The following TLR4 variants were observed in gnomAD, a reference collection of about 807,000 sequenced individuals.
TLR4 encodes the protein toll-like receptor 4.
In TLR4, 17 loss-of-function variants were observed where a neutral mutation model predicts 27.4. The observed-to-expected ratio is 0.62, with a 90% CI of 0.42 to 0.93. TLR4 has a LOEUF of 0.93. Ranked by LOEUF, TLR4 falls within the 40% of genes least tolerant of loss-of-function variation. The pLI is 0.00. For missense variants in TLR4, 926 were observed against 962.3 expected, an observed-to-expected ratio of 0.96 and a Z score of 0.50; for synonymous variants, 363 against 365.7, an observed-to-expected ratio of 0.99 and a Z score of 0.08.
Position 117,716,170 on chromosome 9 carries a change from T to G in TLR4, c.*1522T>G, listed in dbSNP as rs957762597. On this transcript the variant is annotated 3_prime_UTR_variant, in exon 3 of 3. Coordinates refer to ENST00000355622, the MANE Select transcript of TLR4 (RefSeq NM_138554.5). The stretch of plus-strand genomic sequence containing the variant: ...ACGGAGGTTTCTCAAAAATTAAAAA[T>G]AGAACTGCTATATGATCCAGCAATC... 2 of 152,154 alleles carry G rather than the reference T, an allele frequency of 1.3e-5. No individual in the cohort carries two copies. The highest frequency in any genetic ancestry group is 4.8e-5 in the African/African-American group (2 of 41,434). 9.4% of individuals were successfully genotyped at this position (152,154 alleles called of 1,614,324 possible). A position where few individuals can be genotyped will look rare whatever the true frequency, so the allele number is the denominator to read the frequency against.
At chr9:117,706,045 T>C (rs1829130479) in intron 1 of TLR4, among the ~76,000 whole-genome samples, 2 of 152,198 alleles carry the variant, frequency 1.3e-5, no homozygotes, top group African/African-American at 4.8e-5. Context: ...AATTTTAATA[T>C]ATATTTACCT....
chr9:117,713,198 C>T lies in TLR4; in HGVS notation c.1070C>T (p.Thr357Ile). ...TLKLKSLKRLTFTSNKGGNAF... is the reference protein window; with the variant it reads ...TLKLKSLKRLIFTSNKGGNAF... Reference sequence around the variant, plus strand: ...AAACTCAAATCTCTCAAAAGGCTTACTTTCACTTCCAACAAAGGTGGGAAT... The same window carrying T: ...AAACTCAAATCTCTCAAAAGGCTTATTTTCACTTCCAACAAAGGTGGGAAT... Residue 357 changes from threonine (T) to isoleucine (I), a missense_variant, in exon 3 of 3, where the codon ACT (threonine) becomes ATT (isoleucine). Physicochemically the swap from Thr to Ile is moderately conservative, Grantham distance 89. Transcript: ENST00000355622. 2 of 1,614,018 alleles carry T rather than the reference C, an allele frequency of 1.2e-6. No individual in the cohort carries two copies. Among genetic ancestry groups the T allele is most frequent in the Non-Finnish European group, 1.7e-6 (2 of 1,179,962 alleles).
rs1829419183 is a variant in TLR4, at chr9:117,721,194, A to G, written c.*6546A>G. 1 of 152,204 alleles carries G rather than the reference A, an allele frequency of 6.6e-6. No individual in the cohort carries two copies. Among genetic ancestry groups the G allele is most frequent in the Non-Finnish European group, 1.5e-5 (1 of 68,034 alleles). The allele number at this position is 152,204 out of a possible 1,614,324, so 9.4% of individuals were successfully genotyped here. ...AGCGTAACCATCAACTGAACAGTGT[A>G]CTTTGTACCTATTAGGTACTTTCTC... On this transcript the variant is annotated 3_prime_UTR_variant, in exon 3 of 3. Coordinates refer to ENST00000355622, the MANE Select transcript of TLR4 (RefSeq NM_138554.5).
chr9:117,708,685 T>G lies in TLR4; in HGVS notation c.216T>G (p.Tyr72Ter). ...ATCCCCTGAGGCATTTAGGCAGCTA[T>G]AGCTTCTTCAGTTTCCCAGAACTGC... ...SFNPLRHLGS[Y>*]SFFSFPELQV... is the part of the protein sequence containing the mutation. The change falls in exon 2 of 3, where the codon TAT becomes TAG. Residue 72 changes from tyrosine to a stop codon, truncating the protein, a stop_gained. Coordinates refer to ENST00000355622, the MANE Select transcript of TLR4 (RefSeq NM_138554.5). LOFTEE classifies it low-confidence loss of function (END_TRUNC). 6.2e-7 allele frequency: 1 copy of G among 1,613,966 alleles called. No homozygotes were observed. Among genetic ancestry groups the G allele is most frequent in the South Asian group, 1.1e-5 (1 of 91,080 alleles).
chr9:117,708,709 G>T lies in TLR4; in HGVS notation c.240G>T (p.Leu80=), dbSNP rs747522878. The change falls in exon 2 of 3, where the codon CTG becomes CTT. Residue 80 remains leucine, a synonymous_variant. Transcript: ENST00000355622. ...GSYSFFSFPE[L]QVLDLSRCEI... is the part of the protein sequence containing the mutation. The stretch of plus-strand genomic sequence containing the variant: ...ATAGCTTCTTCAGTTTCCCAGAACT[G>T]CAGGTGCTGGATTTATCCAGGTAAT... 18 of 1,613,840 alleles carry T rather than the reference G, an allele frequency of 1.1e-5. No homozygotes were observed. Among genetic ancestry groups the T allele is most frequent in the Non-Finnish European group, 1.5e-5 (18 of 1,179,772 alleles).
At position 117,719,246 on chromosome 9, in the gene TLR4, A is replaced by ACTT. The variant is rs71804554; in HGVS notation, c.*4598_*4599insCTT. Reference sequence around the variant, plus strand: ...GCAAGGGCTTTATTTGTGCTATCTCAGTTTGTCACATCAATGAATTAGAAA... The same window carrying ACTT: ...GCAAGGGCTTTATTTGTGCTATCTCACTTGTTTGTCACATCAATGAATTAGAAA... On this transcript the variant is annotated 3_prime_UTR_variant, in exon 3 of 3. Coordinates refer to ENST00000355622, the MANE Select transcript of TLR4 (RefSeq NM_138554.5). 9.3e-6 allele frequency: 1 copy of ACTT among 107,110 alleles called. No individual in the cohort carries two copies. Among genetic ancestry groups the ACTT allele is most frequent in the Admixed American group, 8.7e-5 (1 of 11,534 alleles). The allele number at this position is 107,110 out of a possible 1,614,324, so 6.6% of individuals were successfully genotyped here.
chr9:117,713,579 A>G lies in TLR4; in HGVS notation c.1451A>G (p.Gln484Arg), dbSNP rs1829282684. 1 of 1,613,962 alleles carries G rather than the reference A, an allele frequency of 6.2e-7. No homozygotes were observed. The highest frequency in any genetic ancestry group is 8.5e-7 in the Non-Finnish European group (1 of 1,180,020). The change falls in exon 3 of 3, where the codon CAG becomes CGG. Residue 484 changes from glutamine (Q) to arginine (R), a missense_variant. Physicochemically the swap from Gln to Arg is conservative, Grantham distance 43. Coordinates refer to ENST00000355622, the MANE Select transcript of TLR4 (RefSeq NM_138554.5). ...TTGAAAATGGCTGGCAATTCTTTCC[A>G]GGAAAACTTCCTTCCAGATATCTTC... The part of the protein sequence containing the change: ...EVLKMAGNSF[Q>R]ENFLPDIFTE...
Position 117,714,800 on chromosome 9 carries a change from AAG to A in TLR4, c.*153_*154del, listed in dbSNP as rs1829314970. On this transcript the variant is annotated 3_prime_UTR_variant, in exon 3 of 3. Coordinates refer to ENST00000355622, the MANE Select transcript of TLR4 (RefSeq NM_138554.5). ...CTAGATATGCAGGGCTGCTAATCTCAAGGAGCTTCCAGTGCAGAGGGAATAAA... is the reference window on the plus strand; with the variant it reads ...CTAGATATGCAGGGCTGCTAATCTCAGAGCTTCCAGTGCAGAGGGAATAAA... The A allele has an allele frequency of 2.1e-5, 15 of 728,406 alleles. No homozygotes were observed. The highest frequency in any genetic ancestry group is 7.4e-4 in the Middle Eastern group (2 of 2,720). The allele number at this position is 728,406 out of a possible 1,614,324, so 45.1% of individuals were successfully genotyped here.
In TLR4 at chr9:117,719,774, A is replaced by C. The variant is rs981259401; in HGVS notation, c.*5126A>C. ...GGACTTTCCAGATGGTTGGAATAAG[A>C]TCACACACTCTGGCTGCCCTTATGG... On this transcript the variant is annotated 3_prime_UTR_variant, in exon 3 of 3. Coordinates refer to ENST00000355622, the MANE Select transcript of TLR4 (RefSeq NM_138554.5). The C allele has an allele frequency of 1.3e-5, 2 of 152,184 alleles. No homozygotes were observed. Among genetic ancestry groups the C allele is most frequent in the Admixed American group, 1.3e-4 (2 of 15,272 alleles). 9.4% of individuals were successfully genotyped at this position (152,184 alleles called of 1,614,324 possible).
intron 2 of TLR4, among the ~76,000 whole-genome samples, chr9:117,709,933 A>G (rs11536879): frequency 0.037 from 5,690 of 152,126 alleles, 183 homozygotes; most frequent in East Asian, 0.13. Flanking sequence ...CTTAGTTTTC[A>G]TATCTGATCA....
Position 117,714,603 on chromosome 9 carries a change from A to G in TLR4, c.2475A>G (p.Gly825=). 1.9e-6 allele frequency: 3 copies of G among 1,613,608 alleles called. No homozygotes were observed. Among genetic ancestry groups the G allele is most frequent in the Admixed American group, 3.3e-5 (2 of 60,020 alleles). ...LLDGKSWNPE[G]TVGTGCNWQE... ...ATGGTAAATCATGGAATCCAGAAGG[A>G]ACAGTGGGTACAGGATGCAATTGGC... is the stretch of plus-strand genomic sequence containing the variant. The change falls in exon 3 of 3, where the codon GGA becomes GGG. Residue 825 remains glycine, a synonymous_variant. Coordinates refer to ENST00000355622, the MANE Select transcript of TLR4 (RefSeq NM_138554.5).
At chr9:117,712,138 C>T (rs1292167622) in intron 2 of TLR4, among the ~76,000 whole-genome samples, 1 of 152,030 alleles carries the variant, frequency 6.6e-6, no homozygotes, top group East Asian at 1.9e-4. Context: ...TGGATTTTCT[C>T]CTCTGCTTAT....
Position 117,712,459 on chromosome 9 carries a change from G to A in TLR4, c.331G>A (p.Gly111Arg). The change falls in exon 3 of 3, where the codon GGA (glycine) becomes AGA (arginine). Residue 111 changes from glycine (G) to arginine (R), a missense_variant. Gly to Arg is a moderately radical substitution (Grantham distance 125). Transcript: ENST00000355622. ...CCACCTCTCTACCTTAATATTGACA[G>A]GAAACCCCATCCAGAGTTTAGCCCT... The part of the protein sequence containing the change: ...LSHLSTLILT[G>R]NPIQSLALGA... 1 of 1,613,824 alleles carries A rather than the reference G, an allele frequency of 6.2e-7. No homozygotes were observed. The highest frequency in any genetic ancestry group is 8.5e-7 in the Non-Finnish European group (1 of 1,179,900).
chr9:117,708,346 C>T, intron 1 of TLR4: 1 of 1,369,494 alleles, frequency 7.3e-7, no homozygotes, highest in Non-Finnish European at 9.5e-7. Flanking sequence ...GTAGTAGGTG[C>T]TCTTTACTTT....
At chr9:117,709,554 A>T (rs534794694) in intron 2 of TLR4, among the ~76,000 whole-genome samples, 6 of 152,278 alleles carry the variant, frequency 3.9e-5, no homozygotes, top group African/African-American at 1.4e-4. Flanking sequence ...GGGGAACCAA[A>T]TTCTAAAAGG....
In TLR4 at chr9:117,720,887, C is replaced by T. The variant is rs959704739; in HGVS notation, c.*6239C>T. 1.3e-5 allele frequency: 2 copies of T among 152,148 alleles called. No homozygotes were observed. The highest frequency in any genetic ancestry group is 6.5e-5 in the Admixed American group (1 of 15,268). The allele number at this position is 152,148 out of a possible 1,614,324, so 9.4% of individuals were successfully genotyped here. A position where few individuals can be genotyped will look rare whatever the true frequency, so the allele number is the denominator to read the frequency against. On this transcript the variant is annotated 3_prime_UTR_variant, in exon 3 of 3. Coordinates refer to ENST00000355622, the MANE Select transcript of TLR4 (RefSeq NM_138554.5). ...TCTTCCTGGGACTGTCCTTGTCTTT[C>T]CCTTTGGACTCTGGGAGGTCTGTTC...
At position 117,713,546 on chromosome 9, in the gene TLR4, T is replaced by C; in HGVS notation, c.1418T>C (p.Leu473Pro). The C allele has an allele frequency of 6.2e-7, 1 of 1,614,098 alleles. No individual in the cohort carries two copies. The highest frequency in any genetic ancestry group is 1.3e-5 in the African/African-American group (1 of 75,052). The change falls in exon 3 of 3, where the codon CTC becomes CCC. Residue 473 changes from leucine (L) to proline (P), a missense_variant. Transcript: ENST00000355622. The part of the protein sequence containing the change: ...FNGIFNGLSS[L>P]EVLKMAGNSF... ...GGCATCTTCAATGGCTTGTCCAGTC[T>C]CGAAGTCTTGAAAATGGCTGGCAAT...
rs569195248 is a variant in TLR4, at chr9:117,718,368, A to G, written c.*3720A>G. On this transcript the variant is annotated 3_prime_UTR_variant, in exon 3 of 3. Transcript: ENST00000355622. The stretch of plus-strand genomic sequence containing the variant: ...AATCATTAAGCCAATACATATGCAT[A>G]TATGTTATACATACCAAATGATTTA... 9.2e-5 allele frequency: 14 copies of G among 152,296 alleles called. No individual in the cohort carries two copies. The highest frequency in any genetic ancestry group is 2.1e-4 in the South Asian group (1 of 4,826). The allele number at this position is 152,296 out of a possible 1,614,324, so 9.4% of individuals were successfully genotyped here. A position where few individuals can be genotyped will look rare whatever the true frequency, so the allele number is the denominator to read the frequency against.
rs1829291874 is a variant in TLR4, at chr9:117,713,957, C to A, written c.1829C>A (p.Ala610Glu). The change falls in exon 3 of 3, where the codon GCA (alanine) becomes GAA (glutamate). Residue 610 changes from alanine to glutamate, a missense_variant. Physicochemically the swap from Ala to Glu is moderately radical, Grantham distance 107. Transcript: ENST00000355622. ...LLVEVERMEC[A>E]TPSDKQGMPV... ...GTGGAAGTTGAACGAATGGAATGTG[C>A]AACACCTTCAGATAAGCAGGGCATG... 2.5e-6 allele frequency: 4 copies of A among 1,614,004 alleles called. No individual in the cohort carries two copies. Among genetic ancestry groups the A allele is most frequent in the Non-Finnish European group, 2.5e-6 (3 of 1,180,000 alleles).
Sources: gnomAD v4.1 joint callset for allele counts (sites outside exome capture counted in the v4.1 genomes callset) on GRCh38, gnomAD v4.1.1 for gene constraint, MANE v1.5 for transcripts, NCBI Gene and HGNC (gene_info 2026-07-23, HGNC 2026-07-21) for gene names.